Variants in LRRC4C observed in about 807,000 individuals in gnomAD.
LRRC4C encodes leucine-rich repeat-containing protein 4C.
Under a neutral mutation model 33.6 loss-of-function variants are expected in LRRC4C, and 5 were observed. The observed-to-expected ratio is 0.15, with a 90% confidence interval of 0.08 to 0.31. The LOEUF (loss-of-function observed/expected upper bound fraction) is 0.31. Ranked by LOEUF, LRRC4C falls within the 10% of genes least tolerant of loss-of-function variation. The pLI is 1.00. For missense variants in LRRC4C, 560 were observed against 796.7 expected (o/e 0.70, Z 3.58); for synonymous variants, 329 against 302.0 (o/e 1.09, Z -0.93).
intron 3 of LRRC4C, among the ~76,000 whole-genome samples, chr11:40,413,107 C>T (rs1017980341): frequency 6.6e-6 from 1 of 151,838 alleles, no homozygotes; most frequent in African/African-American, 2.4e-5. Context: ...ATAGTAATTG[C>T]CTTGGAGGAA....
At chr11:40,752,589 CAAACA>C (rs1394440522) in intron 2 of LRRC4C, among the ~76,000 whole-genome samples, 1 of 151,230 alleles carries the variant, frequency 6.6e-6, no homozygotes, top group African/African-American at 2.4e-5. Flanking sequence ...TAAAAATAAA[CAAACA>C]AAACAAAACA....
chr11:41,325,366 C>T (rs1008555956), intron 1 of LRRC4C, among the ~76,000 whole-genome samples: 1 of 152,118 alleles, frequency 6.6e-6, no homozygotes, highest in African/African-American at 2.4e-5. Context: ...CTTAGCTTTA[C>T]TGGAAGTTGC....
intron 3 of LRRC4C, among the ~76,000 whole-genome samples, chr11:40,566,086 G>GTTTTTTTTTTTTTTTTTTTTTTT: frequency 4.8e-5 from 3 of 62,796 alleles, no homozygotes; most frequent in African/African-American, 6.4e-5. Context: ...TTTTTACTAA[G>GTTTTTTTTTTTTTTTTTTTTTTT]TTTTTTTTTT....
At chr11:40,316,127 C>A (rs1945561800) in intron 4 of LRRC4C, among the ~76,000 whole-genome samples, 1 of 151,894 alleles carries the variant, frequency 6.6e-6, no homozygotes, top group Non-Finnish European at 1.5e-5. Context: ...AAAAAAATCC[C>A]ACAGATGTGA....
intron 5 of LRRC4C, among the ~76,000 whole-genome samples, chr11:40,152,459 G>A (rs1858302146): frequency 6.6e-6 from 1 of 152,142 alleles, no homozygotes; most frequent in South Asian, 2.1e-4. Context: ...ACTCAAGGGA[G>A]GGCACAAATT....
At chr11:40,677,804 T>A (rs1214882769) in intron 2 of LRRC4C, among the ~76,000 whole-genome samples, 4 of 152,132 alleles carry the variant, frequency 2.6e-5, no homozygotes, top group African/African-American at 9.7e-5. Flanking sequence ...CTGTTTGGGG[T>A]GATTACAAGG....
At chr11:40,869,813 A>G (rs1159727258) in intron 2 of LRRC4C, among the ~76,000 whole-genome samples, 1 of 152,184 alleles carries the variant, frequency 6.6e-6, no homozygotes, top group Non-Finnish European at 1.5e-5. Context: ...CAAGTTGCCC[A>G]CTTGGCCCTC....
intron 3 of LRRC4C, among the ~76,000 whole-genome samples, chr11:40,638,237 A>G (rs72892759): frequency 0.15 from 23,321 of 152,230 alleles, 1,846 homozygotes; most frequent in Non-Finnish European, 0.18. Context: ...AAATATGGGT[A>G]TGTGAGGGTT....
intron 1 of LRRC4C, among the ~76,000 whole-genome samples, chr11:40,969,922 G>A (rs376789370): frequency 4.6e-5 from 7 of 152,194 alleles, no homozygotes; most frequent in East Asian, 1.9e-4. Context: ...TGAGATGGGC[G>A]GTGGGTCATT....
chr11:40,552,529 A>G (rs757074902), intron 3 of LRRC4C, among the ~76,000 whole-genome samples: 57 of 152,304 alleles, frequency 3.7e-4, no homozygotes, highest in South Asian at 1.2e-3. Context: ...ACCCTACTCA[A>G]TGATGAGGTC....
At chr11:40,874,565 T>C (rs144920088) in intron 2 of LRRC4C, among the ~76,000 whole-genome samples, 2,141 of 152,306 alleles carry the variant, frequency 0.014, 47 homozygotes, top group African/African-American at 0.049. Flanking sequence ...TTTTTTCCCT[T>C]TCTTCATCAG....
At chr11:40,552,853 G>A (rs1240467121) in intron 3 of LRRC4C, among the ~76,000 whole-genome samples, 1 of 152,100 alleles carries the variant, frequency 6.6e-6, no homozygotes, top group Non-Finnish European at 1.5e-5. Context: ...GCTCATCTAA[G>A]TCCTGATGTG....
At chr11:40,329,411 A>G (rs1224028197) in intron 3 of LRRC4C, among the ~76,000 whole-genome samples, 1 of 152,172 alleles carries the variant, frequency 6.6e-6, no homozygotes, top group Non-Finnish European at 1.5e-5. Context: ...ATGCCACGTG[A>G]GTCATGCTGG....
chr11:40,390,990 T>G (rs901434563), intron 3 of LRRC4C, among the ~76,000 whole-genome samples: 2 of 152,110 alleles, frequency 1.3e-5, no homozygotes, highest in Non-Finnish European at 2.9e-5. Flanking sequence ...CAAGCAATTG[T>G]GGTGCCTCAG....
chr11:41,013,379 T>C (rs1337453391), intron 1 of LRRC4C, among the ~76,000 whole-genome samples: 6 of 152,226 alleles, frequency 3.9e-5, no homozygotes, highest in Non-Finnish European at 8.8e-5. Context: ...TAAATTTCAC[T>C]GCTTAACTAC....
intron 1 of LRRC4C, among the ~76,000 whole-genome samples, chr11:41,410,264 A>T (rs1239610248): frequency 1.3e-5 from 2 of 152,192 alleles, no homozygotes; most frequent in African/African-American, 2.4e-5. Flanking sequence ...AGATAACTTC[A>T]TGGCCTTCAG....
intron 1 of LRRC4C, among the ~76,000 whole-genome samples, chr11:41,312,471 A>T (rs540095246): frequency 6.6e-6 from 1 of 152,264 alleles, no homozygotes; most frequent in Admixed American, 6.5e-5. Flanking sequence ...TCACTGTGTG[A>T]TCTTAAGAAA....
intron 2 of LRRC4C, among the ~76,000 whole-genome samples, chr11:40,846,758 A>AT (rs531494191): frequency 7.2e-5 from 11 of 152,036 alleles, no homozygotes; most frequent in African/African-American, 1.2e-4. Context: ...CAGTATGGCC[A>AT]TTTTCCTGAT....
intron 4 of LRRC4C, among the ~76,000 whole-genome samples, chr11:40,272,425 T>C (rs913277702): frequency 6.6e-6 from 1 of 152,112 alleles, no homozygotes; most frequent in African/African-American, 2.4e-5. Context: ...ATAAGGCAGC[T>C]ATGAGTTCTG....
Sources: gnomAD v4.1 joint callset for allele counts (sites outside exome capture counted in the v4.1 genomes callset) on GRCh38, gnomAD v4.1.1 for gene constraint, MANE v1.5 for transcripts, NCBI Gene and HGNC (gene_info 2026-07-23, HGNC 2026-07-21) for gene names.